The following ZC3H12C variants were observed in gnomAD, a reference collection of about 807,000 sequenced individuals.
The protein encoded by ZC3H12C is probable ribonuclease ZC3H12C.
In ZC3H12C, 20 loss-of-function variants were observed where a neutral mutation model predicts 76.3. The observed-to-expected ratio is 0.26, with a 90% CI of 0.18 to 0.38. The LOEUF (loss-of-function observed/expected upper bound fraction) is 0.38, where lower values mean the gene tolerates loss of function less well. ZC3H12C is among the 10% of genes least tolerant of loss of function. The pLI is 1.00. For synonymous variants in ZC3H12C, 352 were observed against 399.6 expected (o/e 0.88, Z 1.42); for missense variants, 874 against 1,086.5 (o/e 0.80, Z 2.75).
chr11:110,097,748 A>C (rs1240144212), intron 1 of ZC3H12C, among the ~76,000 whole-genome samples: 1 of 152,208 alleles, frequency 6.6e-6, no homozygotes. Flanking sequence ...CATGCACTGC[A>C]TAATCATGTT....
Position 110,131,270 on chromosome 11 carries a change from C to T in ZC3H12C, c.22-5393C>T, listed in dbSNP as rs528466391. On this transcript the variant is annotated intron_variant, in intron 1 of 5. Transcript: ENST00000278590. ...AAGTTATTTTTGTGAAATATGTCTG[C>T]GAAGCAGATTTTTACACTTTTCTAG... Among the ~76,000 whole-genome samples, 13 of 152,286 alleles carry T rather than the reference C, an allele frequency of 8.5e-5. No individual in the cohort carries two copies. In the South Asian group the frequency reaches 1.5e-3, roughly 17 times the overall value.
chr11:110,119,801 G>T (rs1861621511), intron 1 of ZC3H12C, among the ~76,000 whole-genome samples: 1 of 152,166 alleles, frequency 6.6e-6, no homozygotes, highest in African/African-American at 2.4e-5. Flanking sequence ...GGGCGAAGGA[G>T]CTTGCTCAAG....
chr11:110,095,796 A>C (rs943262603), intron 1 of ZC3H12C, among the ~76,000 whole-genome samples: 49 of 152,190 alleles, frequency 3.2e-4, no homozygotes, highest in Admixed American at 2.6e-3. Context: ...GAAGGAAAGC[A>C]GGGAGTGGGC....
rs1424829079 is a variant in ZC3H12C, at chr11:110,164,936, T to C, written c.1851T>C (p.Tyr617=). ...PERRFSLDTD[Y]RISSVASDCS... ...GGCGTTTCTCCTTAGACACAGATTA[T>C]AGAATAAGTTCCGTAGCTTCTGACT... The change falls in exon 6 of 6, where the codon TAT becomes TAC. Residue 617 remains tyrosine (Y), a synonymous_variant. Transcript: ENST00000278590. This position sits in a 1 kb window ranked among gnomAD's most constrained non-coding sequence, Gnocchi z 5.7. 2.5e-6 allele frequency: 4 copies of C among 1,614,024 alleles called. No individual in the cohort carries two copies.
At chr11:110,146,284 G>T (rs898770607) in intron 2 of ZC3H12C, among the ~76,000 whole-genome samples, 10 of 152,094 alleles carry the variant, frequency 6.6e-5, no homozygotes, top group South Asian at 2.1e-4. Context: ...CGTCGCGCCC[G>T]GCCCCGTAAC....
At chr11:110,135,400 G>T (rs994102136) in intron 1 of ZC3H12C, among the ~76,000 whole-genome samples, 3 of 141,328 alleles carry the variant, frequency 2.1e-5, no homozygotes, top group African/African-American at 7.9e-5. Flanking sequence ...TGAGGCAGGA[G>T]AATCACTTGA....
At chr11:110,125,636 T>C (rs141738011) in intron 1 of ZC3H12C, among the ~76,000 whole-genome samples, 2 of 152,276 alleles carry the variant, frequency 1.3e-5, no homozygotes, top group African/African-American at 4.8e-5. Context: ...GTGTTTAATG[T>C]CCTTCTGTAC....
At chr11:110,140,974 A>C (rs1367965380) in intron 2 of ZC3H12C, among the ~76,000 whole-genome samples, 1 of 152,220 alleles carries the variant, frequency 6.6e-6, no homozygotes, top group Non-Finnish European at 1.5e-5. Flanking sequence ...AAATATATGC[A>C]AAAGTTAAAT....
At chr11:110,128,532 G>A (rs12366209) in intron 1 of ZC3H12C, among the ~76,000 whole-genome samples, 42,754 of 151,722 alleles carry the variant, frequency 0.28, 6,302 homozygotes, top group African/African-American at 0.38. Flanking sequence ...AGTAGTAACT[G>A]TAGTAGCAAG....
rs944886101 is a variant in ZC3H12C at position 110,112,215 on chromosome 11, T to C, written c.21+18783T>C. On this transcript the variant is annotated intron_variant, in intron 1 of 5. Transcript: ENST00000278590. ...CCTTTTGGAACATATACATATATTTTTGAGACAGGGTCTGGCTTTGTTGCC... is the reference window on the plus strand; with the variant it reads ...CCTTTTGGAACATATACATATATTTCTGAGACAGGGTCTGGCTTTGTTGCC... 1.2e-3 allele frequency among the ~76,000 whole-genome samples: 180 copies of C among 152,354 alleles called. 1 individual carries two copies. Among genetic ancestry groups the C allele is most frequent in the African/African-American group, 4.2e-3 (175 of 41,578 alleles).
chr11:110,154,715 A>T (rs1862341327), intron 3 of ZC3H12C, among the ~76,000 whole-genome samples: 1 of 151,968 alleles, frequency 6.6e-6, no homozygotes, highest in Non-Finnish European at 1.5e-5. Flanking sequence ...ATTATATCAA[A>T]ATTAAAGCTC....
intron 1 of ZC3H12C, among the ~76,000 whole-genome samples, chr11:110,113,495 G>A (rs1412716566): frequency 1.3e-5 from 2 of 152,140 alleles, no homozygotes; most frequent in Non-Finnish European, 2.9e-5. Flanking sequence ...ATATTTTGAG[G>A]ACTATAATAT....
In ZC3H12C at chr11:110,166,871, G is replaced by T. The variant is rs1319346165; in HGVS notation, c.*1134G>T. The T allele has an allele frequency of 6.6e-6, 1 of 152,070 alleles. No individual in the cohort carries two copies. Among genetic ancestry groups the T allele is most frequent in the Non-Finnish European group, 1.5e-5 (1 of 68,014 alleles). 9.4% of individuals were successfully genotyped at this position (152,070 alleles called of 1,614,324 possible). ...AAATGGTAACTTAAAATTTTTGTAAGATATTGTATATTTTCCATTTTCCTG... is the reference window on the plus strand; with the variant it reads ...AAATGGTAACTTAAAATTTTTGTAATATATTGTATATTTTCCATTTTCCTG... On this transcript the variant is annotated 3_prime_UTR_variant, in exon 6 of 6. Coordinates refer to ENST00000278590, the MANE Select transcript of ZC3H12C (RefSeq NM_033390.2).
rs1862592517 is a variant in ZC3H12C, at chr11:110,166,756, A to G, written c.*1019A>G. 1.3e-5 allele frequency: 2 copies of G among 152,196 alleles called. No individual in the cohort carries two copies. The highest frequency in any genetic ancestry group is 2.4e-5 in the African/African-American group (1 of 41,440). 9.4% of individuals were successfully genotyped at this position (152,196 alleles called of 1,614,324 possible). Reference sequence around the variant, plus strand: ...ATACTCTTTAGCTTTCCTGCTATTTATCAAGGCTGGCCTGAGGTGGGTTTA... The same window carrying G: ...ATACTCTTTAGCTTTCCTGCTATTTGTCAAGGCTGGCCTGAGGTGGGTTTA... On this transcript the variant is annotated 3_prime_UTR_variant, in exon 6 of 6. Coordinates refer to ENST00000278590, the MANE Select transcript of ZC3H12C (RefSeq NM_033390.2).
chr11:110,160,588 A>C (rs1207600715), intron 4 of ZC3H12C, among the ~76,000 whole-genome samples: 1 of 152,112 alleles, frequency 6.6e-6, no homozygotes, highest in African/African-American at 2.4e-5. Context: ...GGTCAGGATC[A>C]TCAAAATCAC....
In ZC3H12C at chr11:110,093,430, C is replaced by G; in HGVS notation, c.19C>G (p.Gln7Glu). ...GCTGGCTATGCCGGGTGGCGGCTCC[C>G]AGGTTTGTCCTCGGGAAGGGGGTGG... MPGGGS[Q>E]EYGVLCIQEY... Residue 7 changes from glutamine (Q) to glutamate (E), a missense_variant and splice_region_variant, in exon 1 of 6, where the codon CAG becomes GAG. This residue lies in a region of ZC3H12C where 210 missense variants were observed against 227.1 expected (regional missense o/e 0.92). Transcript: ENST00000278590. 1.7e-6 allele frequency: 2 copies of G among 1,205,448 alleles called. No individual in the cohort carries two copies. The highest frequency in any genetic ancestry group is 2.1e-6 in the Non-Finnish European group (2 of 967,336). The allele number at this position is 1,205,448 out of a possible 1,614,324, so 74.7% of individuals were successfully genotyped here. A position where few individuals can be genotyped will look rare whatever the true frequency, so the allele number is the denominator to read the frequency against.
chr11:110,117,651 T>TATAC (rs551586291), intron 1 of ZC3H12C, among the ~76,000 whole-genome samples: 21 of 143,982 alleles, frequency 1.5e-4, no homozygotes, highest in African/African-American at 5.2e-4. Flanking sequence ...TATATATATA[T>TATAC]ACACACACAC....
intron 3 of ZC3H12C, among the ~76,000 whole-genome samples, chr11:110,153,284 T>C (rs893948807): frequency 1.3e-5 from 2 of 152,140 alleles, no homozygotes; most frequent in African/African-American, 4.8e-5. Context: ...GCCTCCCAGG[T>C]TCAAGCACTT....
chr11:110,148,021 C>A (rs1044871133), intron 2 of ZC3H12C, among the ~76,000 whole-genome samples: 1 of 152,140 alleles, frequency 6.6e-6, no homozygotes, highest in African/African-American at 2.4e-5. Context: ...TAGATAGAGG[C>A]AAAGAAGGGC....
Sources: gnomAD v4.1 joint callset for allele counts (sites outside exome capture counted in the v4.1 genomes callset) on GRCh38, gnomAD v4.1.1 for gene constraint, gnomAD v4.1.1 regional missense constraint, Gnocchi (gnomAD v3.1) non-coding constraint, MANE v1.5 for transcripts, NCBI Gene and HGNC (gene_info 2026-07-23, HGNC 2026-07-21) for gene names.